The following APBB1IP variants were observed in gnomAD, a reference collection of about 807,000 sequenced individuals.
APBB1IP encodes the protein amyloid beta A4 precursor protein-binding family B member 1-interacting protein.
A neutral mutation model predicts 64.9 loss-of-function variants in APBB1IP; 27 were observed. The ratio of observed to expected loss-of-function variants is 0.42; its 90% CI spans 0.31 to 0.57. APBB1IP has a LOEUF of 0.57. Among genes scored for constraint, APBB1IP ranks in the 20% least tolerant of loss-of-function variants. APBB1IP has a pLI of 0.20. For missense variants in APBB1IP, 812 were observed against 845.5 expected (o/e 0.96, Z 0.49); for synonymous variants, 392 against 331.0 (o/e 1.18, Z -2.00).
At chr10:26,444,211 A>G (rs947307480) in intron 2 of APBB1IP, among the ~76,000 whole-genome samples, 1 of 152,162 alleles carries the variant, frequency 6.6e-6, no homozygotes, top group Admixed American at 6.5e-5. Context: ...AGGCCCCTGT[A>G]GTTAGAGGTA....
At chr10:26,543,189 G>A (rs947471777) in intron 11 of APBB1IP, among the ~76,000 whole-genome samples, 5 of 151,778 alleles carry the variant, frequency 3.3e-5, no homozygotes, top group African/African-American at 1.2e-4. Context: ...AATGACGGCC[G>A]GGCACGGTGG....
intron 8 of APBB1IP, among the ~76,000 whole-genome samples, chr10:26,527,741 G>A (rs531095171): frequency 1.4e-5 from 2 of 141,688 alleles, no homozygotes; most frequent in South Asian, 4.5e-4. Context: ...GGCCCAGGCT[G>A]GAGTGCAATG....
chr10:26,442,413 T>A (rs1234580505), intron 2 of APBB1IP, among the ~76,000 whole-genome samples: 1 of 152,240 alleles, frequency 6.6e-6, no homozygotes, highest in Admixed American at 6.5e-5. Flanking sequence ...GTGAGTTTAA[T>A]ATTTTTTCTA....
At chr10:26,547,102 T>C (rs1166696401) in intron 11 of APBB1IP, among the ~76,000 whole-genome samples, 1 of 152,236 alleles carries the variant, frequency 6.6e-6, no homozygotes, top group Non-Finnish European at 1.5e-5. Flanking sequence ...ATTGGGATGA[T>C]GCAAAATCTC....
chr10:26,476,446 C>CAAA (rs58548133), intron 2 of APBB1IP, among the ~76,000 whole-genome samples: 35,239 of 77,954 alleles, frequency 0.45, 7,914 homozygotes, highest in East Asian at 0.62. Flanking sequence ...GACCCTGTCT[C>CAAA]AAAAAAAAAA....
intron 10 of APBB1IP, among the ~76,000 whole-genome samples, chr10:26,537,933 C>CAAAAA (rs11331595): frequency 2.1e-4 from 22 of 106,964 alleles, no homozygotes; most frequent in African/African-American, 7.3e-4. Flanking sequence ...GACTAGGTCT[C>CAAAAA]AAAAAAAAAA....
chr10:26,488,513 G>C (rs111569396), intron 2 of APBB1IP, among the ~76,000 whole-genome samples: 1 of 152,098 alleles, frequency 6.6e-6, no homozygotes, highest in Non-Finnish European at 1.5e-5. Flanking sequence ...GATAACAGGC[G>C]TGAGTCACCA....
chr10:26,503,344 A>T lies in APBB1IP; in HGVS notation c.531+70A>T, dbSNP rs188506684. 2.6e-4 allele frequency: 402 copies of T among 1,540,914 alleles called. 1 individual carries two copies. In the African/African-American group the frequency reaches 4.9e-3, roughly 19 times the overall value. On this transcript the variant is annotated intron_variant, in intron 6 of 14. Transcript: ENST00000376236. The stretch of plus-strand genomic sequence containing the variant: ...CCTGTGATTATGCTTAATGATAAAA[A>T]ACAAAATAAAGCCGGGCGCGGTGGC...
chr10:26,456,494 C>T (rs979685017), intron 2 of APBB1IP, among the ~76,000 whole-genome samples: 1 of 151,990 alleles, frequency 6.6e-6, no homozygotes, highest in African/African-American at 2.4e-5. Flanking sequence ...ATCCTATGGA[C>T]AGTAGAGAGC....
chr10:26,477,816 A>G (rs1403226934), intron 2 of APBB1IP, among the ~76,000 whole-genome samples: 1 of 152,130 alleles, frequency 6.6e-6, no homozygotes, highest in Non-Finnish European at 1.5e-5. Flanking sequence ...CTGCAACCTC[A>G]AACTCCTGGG....
At chr10:26,477,958 C>A (rs1835794124) in intron 2 of APBB1IP, among the ~76,000 whole-genome samples, 1 of 152,162 alleles carries the variant, frequency 6.6e-6, no homozygotes, top group Non-Finnish European at 1.5e-5. Context: ...TTAAATTTAT[C>A]CATTTATTTA....
chr10:26,468,772 T>C (rs191668857), intron 2 of APBB1IP, among the ~76,000 whole-genome samples: 1 of 152,338 alleles, frequency 6.6e-6, no homozygotes, highest in East Asian at 1.9e-4. Context: ...TCTGGCTTGT[T>C]CCTGCTCCTG....
At position 26,566,264 on chromosome 10, in the gene APBB1IP, A is replaced by T. The variant is rs551240187; in HGVS notation, c.1474-697A>T. Among the ~76,000 whole-genome samples the T allele has an allele frequency of 8.5e-5, 13 of 152,190 alleles. No individual in the cohort carries two copies. The South Asian group carries it at 2.5e-3, about 29-fold the overall frequency. ...CGAGACTCCATCTCTAAAAATATAT[A>T]TAGAGAGAGAGACATAGTCTCGTTG... On this transcript the variant is annotated intron_variant, in intron 14 of 14. Transcript: ENST00000376236.
At chr10:26,451,812 G>A (rs1381953932) in intron 2 of APBB1IP, among the ~76,000 whole-genome samples, 2 of 152,202 alleles carry the variant, frequency 1.3e-5, no homozygotes, top group African/African-American at 2.4e-5. Flanking sequence ...GTCCAGGAAT[G>A]AAGGCAATCT....
At chr10:26,451,548 A>G (rs993844375) in intron 2 of APBB1IP, among the ~76,000 whole-genome samples, 3 of 152,238 alleles carry the variant, frequency 2.0e-5, no homozygotes, top group Non-Finnish European at 4.4e-5. Context: ...GACGTCCAGA[A>G]TCACATCTGT....
chr10:26,493,518 GTTC>G (rs767294087), intron 3 of APBB1IP, among the ~76,000 whole-genome samples: 17 of 152,320 alleles, frequency 1.1e-4, no homozygotes, highest in Non-Finnish European at 2.5e-4. Context: ...CGCAATTTAA[GTTC>G]TTCTGCCATG....
chr10:26,445,804 G>A (rs10828998), intron 2 of APBB1IP, among the ~76,000 whole-genome samples: 59,002 of 152,044 alleles, frequency 0.39, 11,640 homozygotes, highest in South Asian at 0.49. Context: ...AATTCTCTAG[G>A]AGCTGTTGAA....
rs752350360 is a variant in APBB1IP, at chr10:26,541,664, C to T, written c.1127C>T (p.Ala376Val). 2.5e-6 allele frequency: 4 copies of T among 1,609,682 alleles called. No individual in the cohort carries two copies. The highest frequency in any genetic ancestry group is 1.7e-6 in the Non-Finnish European group (2 of 1,177,956). The change falls in exon 11 of 15, where the codon GCG (alanine) becomes GTG (valine). Residue 376 changes from alanine (A) to valine (V), a missense_variant. Physicochemically the swap from Ala to Val is moderately conservative, Grantham distance 64. Transcript: ENST00000376236. ...ACTCAGCATAAAATGAAATATAAAG[C>T]GCCCACTGACTATTGCTTTGTTTTA... ...YGTQHKMKYKAPTDYCFVLKH... is the reference protein window; with the variant it reads ...YGTQHKMKYKVPTDYCFVLKH...
chr10:26,550,912 G>A (rs1406808962), intron 11 of APBB1IP, among the ~76,000 whole-genome samples: 2 of 152,154 alleles, frequency 1.3e-5, no homozygotes, highest in African/African-American at 4.8e-5. Flanking sequence ...ATTGACTTTT[G>A]TATGTCATTT....
Sources: allele counts gnomAD v4.1 joint callset (sites outside exome capture counted in the v4.1 genomes callset), GRCh38; gene constraint gnomAD v4.1.1; transcripts MANE v1.5; gene names NCBI Gene and HGNC (gene_info 2026-07-23, HGNC 2026-07-21).